NUBPL: variants seen among roughly 807,000 people sequenced by gnomAD.
NUBPL encodes NUBP iron-sulfur cluster assembly factor, mitochondrial, also known as iron-sulfur cluster transfer protein NUBPL.
In NUBPL, 31 loss-of-function variants were observed where a neutral mutation model predicts 45.7. The observed-to-expected ratio is 0.68, with a 90% CI of 0.51 to 0.92. NUBPL has a LOEUF of 0.92. Ranked by LOEUF, NUBPL falls within the 40% of genes least tolerant of loss-of-function variation. The pLI is 0.00. For synonymous variants in NUBPL, 144 were observed against 140.9 expected (o/e 1.02, Z -0.15); for missense variants, 401 against 398.7 (o/e 1.01, Z -0.05).
chr14:31,663,749 A>G (rs1312081069), intron 4 of NUBPL, among the ~76,000 whole-genome samples: 1 of 152,198 alleles, frequency 6.6e-6, no homozygotes, highest in African/African-American at 2.4e-5. Context: ...TATGAAATAT[A>G]AAGTAGTTTT....
chr14:31,748,146 G>T (rs572950212), intron 6 of NUBPL, among the ~76,000 whole-genome samples: 1 of 152,118 alleles, frequency 6.6e-6, no homozygotes, highest in South Asian at 2.1e-4. Context: ...GTTTTATTCC[G>T]TTGTGATCAG....
chr14:31,643,431 G>T (rs950715120), intron 4 of NUBPL, among the ~76,000 whole-genome samples: 15 of 152,224 alleles, frequency 9.9e-5, no homozygotes, highest in African/African-American at 3.4e-4. Flanking sequence ...TCTTAGTTCT[G>T]TTGATGTGAT....
At chr14:31,684,252 T>G (rs1372934294) in intron 6 of NUBPL, among the ~76,000 whole-genome samples, 1 of 152,244 alleles carries the variant, frequency 6.6e-6, no homozygotes, top group Non-Finnish European at 1.5e-5. Flanking sequence ...ATGTGTCATA[T>G]GCTTAGGAAA....
At chr14:31,601,778 G>A (rs553121292) in intron 4 of NUBPL, among the ~76,000 whole-genome samples, 1 of 152,090 alleles carries the variant, frequency 6.6e-6, no homozygotes, top group East Asian at 1.9e-4. Flanking sequence ...GGAACACTTT[G>A]ACACTGTTGG....
At chr14:31,587,606 A>G (rs1024625194) in intron 3 of NUBPL, among the ~76,000 whole-genome samples, 6 of 152,126 alleles carry the variant, frequency 3.9e-5, no homozygotes, top group Non-Finnish European at 8.8e-5. Flanking sequence ...ACTATCTGTT[A>G]TTTTCTAGGC....
chr14:31,562,114 T>G lies in NUBPL; in HGVS notation c.155T>G (p.Ile52Ser). 1 of 1,612,856 alleles carries G rather than the reference T, an allele frequency of 6.2e-7. No homozygotes were observed. Among genetic ancestry groups the G allele is most frequent in the Non-Finnish European group, 8.5e-7 (1 of 1,179,228 alleles). Residue 52 changes from isoleucine to serine, a missense_variant, in exon 2 of 11, where the codon ATC (isoleucine) becomes AGC (serine). Coordinates refer to ENST00000281081, the MANE Select transcript of NUBPL (RefSeq NM_025152.3). Reference sequence around the variant, plus strand: ...ACCCTAAAACAAAGAAGAACACAAATCATGTCCCGAGGACTTCCAAAGCAG... The same window carrying G: ...ACCCTAAAACAAAGAAGAACACAAAGCATGTCCCGAGGACTTCCAAAGCAG... ...SETLKQRRTQ[I>S]MSRGLPKQKP...
At chr14:31,645,532 T>A (rs185282426) in intron 4 of NUBPL, among the ~76,000 whole-genome samples, 4 of 152,308 alleles carry the variant, frequency 2.6e-5, no homozygotes, top group Non-Finnish European at 4.4e-5. Context: ...GGTTGACTTG[T>A]AACTCCTCTC....
In NUBPL at chr14:31,725,709, C is replaced by CTTTTTTTT. The variant is rs375160082; in HGVS notation, c.513+52147_513+52154dup. ...GATTTTGGAACATTTTAGATTTCAG[C>CTTTTTTTT]TTTTTTTTTTTTTTTTTTTGACTTG... On this transcript the variant is annotated intron_variant, in intron 6 of 10. Transcript: ENST00000281081. Among the ~76,000 whole-genome samples the CTTTTTTTT allele has an allele frequency of 1.2e-4, 13 of 104,944 alleles. 1 individual carries two copies. Among genetic ancestry groups the CTTTTTTTT allele is most frequent in the African/African-American group, 2.7e-4 (7 of 26,206 alleles). 68.8% of individuals were successfully genotyped at this position (104,944 alleles called of 152,430 possible).
intron 4 of NUBPL, among the ~76,000 whole-genome samples, chr14:31,615,448 C>A (rs542180740): frequency 3.9e-5 from 6 of 152,126 alleles, no homozygotes; most frequent in African/African-American, 1.2e-4. Flanking sequence ...CTACCCTAGC[C>A]CCCCCAACTC....
rs765757464 is a variant in NUBPL at position 31,583,793 on chromosome 14, A to G, written c.292-15496A>G. On this transcript the variant is annotated intron_variant, in intron 3 of 10. Coordinates refer to ENST00000281081, the MANE Select transcript of NUBPL (RefSeq NM_025152.3). Reference sequence around the variant, plus strand: ...TGATATCTTGGACTGGAGTGTTGACATTGGAAATGGAGAAGGAGGTAGAAT... The same window carrying G: ...TGATATCTTGGACTGGAGTGTTGACGTTGGAAATGGAGAAGGAGGTAGAAT... Among the ~76,000 whole-genome samples the G allele has an allele frequency of 1.4e-4, 21 of 152,170 alleles. 1 individual carries two copies. Among genetic ancestry groups the G allele is most frequent in the Middle Eastern group, 3.2e-3 (1 of 316 alleles).
intron 7 of NUBPL, among the ~76,000 whole-genome samples, chr14:31,818,827 C>T (rs956127088): frequency 6.6e-6 from 1 of 152,164 alleles, no homozygotes; most frequent in African/African-American, 2.4e-5. Flanking sequence ...GGATTACAGG[C>T]GTGAGCTGCC....
At chr14:31,699,638 G>A (rs561418099) in intron 6 of NUBPL, among the ~76,000 whole-genome samples, 6 of 152,096 alleles carry the variant, frequency 3.9e-5, no homozygotes, top group African/African-American at 1.2e-4. Context: ...TCCCTGAAAC[G>A]CTAATTGACA....
chr14:31,666,334 A>G (rs1158775059), intron 4 of NUBPL, among the ~76,000 whole-genome samples: 1 of 149,388 alleles, frequency 6.7e-6, no homozygotes, highest in Non-Finnish European at 1.5e-5. Context: ...GTGCAATCTC[A>G]GCTCACTGCA....
At chr14:31,667,343 A>T (rs147690218) in intron 4 of NUBPL, among the ~76,000 whole-genome samples, 1 of 151,728 alleles carries the variant, frequency 6.6e-6, no homozygotes, top group African/African-American at 2.4e-5. Flanking sequence ...GATCAATTCG[A>T]CTATTGATAC....
chr14:31,789,243 G>T (rs1226545581), intron 7 of NUBPL, among the ~76,000 whole-genome samples: 1 of 151,930 alleles, frequency 6.6e-6, no homozygotes, highest in African/African-American at 2.4e-5. Context: ...GGAGAATGAC[G>T]TGAACCCAGG....
intron 4 of NUBPL, among the ~76,000 whole-genome samples, chr14:31,631,932 C>A (rs2035355603): frequency 6.6e-6 from 1 of 152,072 alleles, no homozygotes; most frequent in Admixed American, 6.6e-5. Context: ...TATACGGTGG[C>A]CCAAAGTGAC....
chr14:31,828,228 G>GTTACTTTGTA (rs2040135675), intron 8 of NUBPL, among the ~76,000 whole-genome samples: 1 of 152,154 alleles, frequency 6.6e-6, no homozygotes, highest in Non-Finnish European at 1.5e-5. Context: ...TTTGAGCAGT[G>GTTACTTTGTA]TTACTTTGTA....
intron 6 of NUBPL, among the ~76,000 whole-genome samples, chr14:31,769,242 G>A (rs2038965662): frequency 6.6e-6 from 1 of 152,162 alleles, no homozygotes; most frequent in South Asian, 2.1e-4. Context: ...ATAGGAGAAG[G>A]AGGATGTGAT....
Position 31,782,292 on chromosome 14 carries a change from G to A in NUBPL, c.514-5488G>A, listed in dbSNP as rs571374660. Among the ~76,000 whole-genome samples, 18 of 152,278 alleles carry A rather than the reference G, an allele frequency of 1.2e-4. No individual in the cohort carries two copies. In the East Asian group the frequency reaches 2.1e-3, roughly 18 times the overall value. Reference sequence around the variant, plus strand: ...TGCCTGAAATCTCAGCTACTCAGGAGGCTGAGACCGGAGAATTGCTTGAAC... The same window carrying A: ...TGCCTGAAATCTCAGCTACTCAGGAAGCTGAGACCGGAGAATTGCTTGAAC... On this transcript the variant is annotated intron_variant, in intron 6 of 10. Transcript: ENST00000281081.
Sources: allele counts gnomAD v4.1 joint callset (sites outside exome capture counted in the v4.1 genomes callset), GRCh38; gene constraint gnomAD v4.1.1; transcripts MANE v1.5; gene names NCBI Gene and HGNC (gene_info 2026-07-23, HGNC 2026-07-21).